BMP6: variants seen among roughly 807,000 people sequenced by gnomAD.
BMP6 encodes the protein bone morphogenetic protein 6.
A neutral mutation model predicts 54.1 loss-of-function variants in BMP6; 17 were observed. The ratio of observed to expected loss-of-function variants is 0.31; its 90% CI spans 0.22 to 0.47. The LOEUF (loss-of-function observed/expected upper bound fraction) is 0.47, where lower values mean the gene tolerates loss of function less well. Among genes scored for constraint, BMP6 ranks in the 20% least tolerant of loss-of-function variants. The pLI is 1.00. For missense variants in BMP6, 720 were observed against 690.4 expected, an observed-to-expected ratio of 1.04 and a Z score of -0.48; for synonymous variants, 328 against 291.2, an observed-to-expected ratio of 1.13 and a Z score of -1.28.
intron 1 of BMP6, among the ~76,000 whole-genome samples, chr6:7,821,184 T>G (rs1414667073): frequency 6.6e-6 from 1 of 152,218 alleles, no homozygotes; most frequent in Non-Finnish European, 1.5e-5. Context: ...CACCAGCCTT[T>G]TAAAAGCTTT....
chr6:7,803,143 C>A (rs1019686550), intron 1 of BMP6, among the ~76,000 whole-genome samples: 3 of 152,288 alleles, frequency 2.0e-5, no homozygotes, highest in African/African-American at 7.2e-5. Context: ...AGGTCCCTTC[C>A]TCCCAGGGAA....
intron 1 of BMP6, among the ~76,000 whole-genome samples, chr6:7,800,639 C>G (rs1758255526): frequency 1.3e-5 from 2 of 152,058 alleles, no homozygotes; most frequent in African/African-American, 4.8e-5. Context: ...CCTTTCTTTT[C>G]CTCTAGGGTT....
At chr6:7,822,896 G>GTT (rs111743465) in intron 1 of BMP6, among the ~76,000 whole-genome samples, 19 of 85,660 alleles carry the variant, frequency 2.2e-4, no homozygotes, top group Admixed American at 1.6e-3. Context: ...ATTGGTGCTG[G>GTT]TTGTGTGTGT....
intron 1 of BMP6, among the ~76,000 whole-genome samples, chr6:7,824,101 G>A (rs1199303307): frequency 6.6e-6 from 1 of 152,180 alleles, no homozygotes; most frequent in Non-Finnish European, 1.5e-5. Context: ...TAGTGGTGGA[G>A]GTGGTGAGCA....
rs1759698867 is a variant in BMP6, at chr6:7,880,452, C to CT, written c.*110dup. ...GAGGTGGGACGATGAGACTTTGAAA[C>CT]TATCTCATGCCAGTGCCTTATTACC... On this transcript the variant is annotated 3_prime_UTR_variant, in exon 7 of 7. Coordinates refer to ENST00000283147, the MANE Select transcript of BMP6 (RefSeq NM_001718.6). The CT allele has an allele frequency of 7.1e-7, 1 of 1,413,442 alleles. No homozygotes were observed. Among genetic ancestry groups the CT allele is most frequent in the African/African-American group, 1.4e-5 (1 of 70,126 alleles). The allele number at this position is 1,413,442 out of a possible 1,614,324, so 87.6% of individuals were successfully genotyped here.
chr6:7,837,824 A>C (rs983249354), intron 1 of BMP6, among the ~76,000 whole-genome samples: 1 of 152,226 alleles, frequency 6.6e-6, no homozygotes, highest in Admixed American at 6.5e-5. Flanking sequence ...AAATTATGGC[A>C]ATAAACTTGA....
chr6:7,727,097 G>A lies in BMP6; in HGVS notation c.142G>A (p.Gly48Arg), dbSNP rs1272815414. ...AAGGQLLGDG[G>R]SPGRTEQPPP... ...CGGGGGGCAGCTGCTGGGGGACGGC[G>A]GGAGCCCCGGCCGCACGGAGCAGCC... The change falls in exon 1 of 7, where the codon GGG becomes AGG. Residue 48 changes from glycine to arginine, a missense_variant. Physicochemically the swap from Gly to Arg is moderately radical, Grantham distance 125 (BLOSUM62 -2). Coordinates refer to ENST00000283147, the MANE Select transcript of BMP6 (RefSeq NM_001718.6). The A allele has an allele frequency of 7.3e-6, 10 of 1,366,118 alleles. No homozygotes were observed. Among genetic ancestry groups the A allele is most frequent in the Non-Finnish European group, 9.5e-6 (10 of 1,056,634 alleles). The allele number at this position is 1,366,118 out of a possible 1,614,324, so 84.6% of individuals were successfully genotyped here. A position where few individuals can be genotyped will look rare whatever the true frequency, so the allele number is the denominator to read the frequency against.
rs1759721995 is a variant in BMP6, at chr6:7,881,323, A to T, written c.*980A>T. 6.6e-6 allele frequency: 1 copy of T among 152,648 alleles called. No homozygotes were observed. The highest frequency in any genetic ancestry group is 6.5e-5 in the Admixed American group (1 of 15,282). 9.5% of individuals were successfully genotyped at this position (152,648 alleles called of 1,614,324 possible). A position where few individuals can be genotyped will look rare whatever the true frequency, so the allele number is the denominator to read the frequency against. ...TTCCCTTGTAGAAAGTGAGGCTCAGATTAAATTTTAGAATATTTTCTAAAT... is the reference window on the plus strand; with the variant it reads ...TTCCCTTGTAGAAAGTGAGGCTCAGTTTAAATTTTAGAATATTTTCTAAAT... On this transcript the variant is annotated 3_prime_UTR_variant, in exon 7 of 7. Transcript: ENST00000283147.
Position 7,841,302 on chromosome 6 carries a change from T to C in BMP6, c.665-3838T>C, listed in dbSNP as rs118061683. Among the ~76,000 whole-genome samples, 290 of 152,324 alleles carry C rather than the reference T, an allele frequency of 1.9e-3. 8 individuals are homozygous for C. In the East Asian group the frequency reaches 0.046, roughly 24 times the overall value. ...CCATCATCAGTAAGCCAAATGCTAATGGGTATAAAGTAGGTACTGAGGGCT... is the reference window on the plus strand; with the variant it reads ...CCATCATCAGTAAGCCAAATGCTAACGGGTATAAAGTAGGTACTGAGGGCT... On this transcript the variant is annotated intron_variant, in intron 1 of 6. Transcript: ENST00000283147.
At chr6:7,800,666 T>C (rs1383822572) in intron 1 of BMP6, among the ~76,000 whole-genome samples, 4 of 152,204 alleles carry the variant, frequency 2.6e-5, no homozygotes, top group African/African-American at 9.7e-5. Flanking sequence ...TGGATTGATA[T>C]ATTTACTTCT....
chr6:7,737,978 T>C (rs1485250075), intron 1 of BMP6, among the ~76,000 whole-genome samples: 1 of 151,856 alleles, frequency 6.6e-6, no homozygotes, highest in African/African-American at 2.4e-5. Context: ...CTTTTTTTTT[T>C]CTTCTTTTTT....
intron 4 of BMP6, among the ~76,000 whole-genome samples, chr6:7,874,469 G>A (rs1759575453): frequency 6.6e-6 from 1 of 152,136 alleles, no homozygotes; most frequent in Admixed American, 6.5e-5. Flanking sequence ...TTAACAGAAA[G>A]ACAAGGCCAG....
At chr6:7,853,996 A>G (rs1481884868) in intron 2 of BMP6, among the ~76,000 whole-genome samples, 1 of 152,188 alleles carries the variant, frequency 6.6e-6, no homozygotes, top group Non-Finnish European at 1.5e-5. Flanking sequence ...GTAGAAGAGA[A>G]TGTTATGGAG....
rs139071629 is a variant in BMP6 at position 7,849,845 on chromosome 6, G to A, written c.857+4513G>A. On this transcript the variant is annotated intron_variant, in intron 2 of 6. Transcript: ENST00000283147. ...CTGTGTTTTGGCATTTGCATTGCTC[G>A]GCAGTGATGGTCTATATTCTGTGTG... 1.9e-4 allele frequency among the ~76,000 whole-genome samples: 29 copies of A among 152,198 alleles called. No homozygotes were observed. The East Asian group carries it at 2.1e-3, about 11-fold the overall frequency.
At position 7,726,604 on chromosome 6, in the gene BMP6, G is replaced by A. The variant is rs2113093340; in HGVS notation, c.-352G>A. Among the ~76,000 whole-genome samples the A allele has an allele frequency of 6.6e-6, 1 of 152,260 alleles. No individual in the cohort carries two copies. Among genetic ancestry groups the A allele is most frequent in the South Asian group, 2.1e-4 (1 of 4,828 alleles). ...GTGTGCGGCCAGCGAGGCCCAGAGT[G>A]ACCGCGCCGCGACTCGCAGGAGCCA... is the stretch of plus-strand genomic sequence containing the variant. On this transcript the variant is annotated 5_prime_UTR_variant, in exon 1 of 7. Transcript: ENST00000283147.
At chr6:7,752,195 T>A (rs1208743950) in intron 1 of BMP6, among the ~76,000 whole-genome samples, 1 of 152,236 alleles carries the variant, frequency 6.6e-6, no homozygotes, top group African/African-American at 2.4e-5. Context: ...GCTACTCAAC[T>A]CTGTCATGGC....
At chr6:7,862,881 G>T (rs1175220443) in intron 4 of BMP6, among the ~76,000 whole-genome samples, 1 of 152,222 alleles carries the variant, frequency 6.6e-6, no homozygotes, top group Non-Finnish European at 1.5e-5. Flanking sequence ...TGGTACAGTT[G>T]TGTAATATGA....
At chr6:7,816,892 T>G (rs894924075) in intron 1 of BMP6, among the ~76,000 whole-genome samples, 2 of 152,234 alleles carry the variant, frequency 1.3e-5, no homozygotes, top group Admixed American at 1.3e-4. Flanking sequence ...ATATGGCTTA[T>G]TAGCTGGTCG....
intron 1 of BMP6, among the ~76,000 whole-genome samples, chr6:7,819,507 A>C (rs1364917619): frequency 6.6e-6 from 1 of 152,000 alleles, no homozygotes; most frequent in East Asian, 1.9e-4. Context: ...GGAGATAAAC[A>C]GGGAGAAGGA....
Sources: gnomAD v4.1 joint callset for allele counts (sites outside exome capture counted in the v4.1 genomes callset) on GRCh38, gnomAD v4.1.1 for gene constraint, MANE v1.5 for transcripts, NCBI Gene and HGNC (gene_info 2026-07-23, HGNC 2026-07-21) for gene names.